Variants in EPHB2 observed in about 807,000 individuals in gnomAD.
The protein encoded by EPHB2 is ephrin type-B receptor 2.
EPHB2 carries 18 observed loss-of-function variants against 96.4 expected under a neutral mutation model. The observed-to-expected ratio is 0.19, with a 90% CI of 0.13 to 0.28. The LOEUF (loss-of-function observed/expected upper bound fraction) is 0.28. Among genes scored for constraint, EPHB2 ranks in the 10% least tolerant of loss-of-function variants. The pLI, the probability that EPHB2 is intolerant of heterozygous loss-of-function variation, is 1.00. For missense variants in EPHB2, 989 were observed against 1,355.4 expected (o/e 0.73, Z 4.25); for synonymous variants, 506 against 534.1 (o/e 0.95, Z 0.72).
chr1:22,718,372 G>A (rs2148334313), intron 1 of EPHB2, among the ~76,000 whole-genome samples: 1 of 141,902 alleles, frequency 7.0e-6, no homozygotes, highest in Middle Eastern at 3.7e-3. Context: ...GGGAATGGCT[G>A]TCAATTCTTT....
In EPHB2 at chr1:22,876,244, C is replaced by G. The variant is rs74932028; in HGVS notation, c.1304-6115C>G. Reference sequence around the variant, plus strand: ...GGGATCTTCGGACCAGTGAAAGGGTCGTAGCTCCGGGTTGTGAGGGGAAGC... The same window carrying G: ...GGGATCTTCGGACCAGTGAAAGGGTGGTAGCTCCGGGTTGTGAGGGGAAGC... On this transcript the variant is annotated intron_variant, in intron 5 of 15. Coordinates refer to ENST00000374630, the MANE Select transcript of EPHB2 (RefSeq NM_017449.5). Among the ~76,000 whole-genome samples, 266 of 152,228 alleles carry G rather than the reference C, an allele frequency of 1.7e-3. 1 individual carries two copies. Among genetic ancestry groups the G allele is most frequent in the Non-Finnish European group, 3.3e-3 (221 of 67,990 alleles).
At chr1:22,764,512 G>A (rs751378846) in intron 1 of EPHB2, among the ~76,000 whole-genome samples, 5 of 152,078 alleles carry the variant, frequency 3.3e-5, no homozygotes, top group Non-Finnish European at 7.4e-5. Context: ...TTGGGAGGCC[G>A]AGCCAGGCGG....
chr1:22,799,841 A>G (rs11581431), intron 3 of EPHB2, among the ~76,000 whole-genome samples: 23 of 152,206 alleles, frequency 1.5e-4, no homozygotes, highest in South Asian at 8.3e-4. Context: ...GAGAGAAAAG[A>G]TTCCGCCCTG....
At chr1:22,861,576 T>A (rs1276220520) in intron 3 of EPHB2, among the ~76,000 whole-genome samples, 1 of 152,106 alleles carries the variant, frequency 6.6e-6, no homozygotes, top group East Asian at 1.9e-4. Context: ...CAGCTGTGAG[T>A]CAGACATGGC....
intron 1 of EPHB2, among the ~76,000 whole-genome samples, chr1:22,763,308 T>C (rs1425911286): frequency 2.0e-5 from 3 of 152,030 alleles, no homozygotes; most frequent in Admixed American, 6.6e-5. Flanking sequence ...CTGGGCAGGG[T>C]TTGGTAGGTG....
rs1317314072 is a variant in EPHB2 at position 22,784,520 on chromosome 1, C to T, written c.255C>T (p.Arg85=). ...TTATCCGGCGCCGTGGCGCCCACCG[C>T]ATCCACGTGGAGATGAAGTTTTCGG... is the stretch of plus-strand genomic sequence containing the variant. ...TKFIRRRGAH[R]IHVEMKFSVR... is the part of the protein sequence containing the mutation. The change falls in exon 3 of 16, where the codon CGC becomes CGT. Residue 85 remains arginine, a synonymous_variant. Transcript: ENST00000374630. This position sits in a 1 kb window ranked among gnomAD's most constrained non-coding sequence, Gnocchi z 5.1. 1 of 1,613,820 alleles carries T rather than the reference C, an allele frequency of 6.2e-7. No homozygotes were observed. Among genetic ancestry groups the T allele is most frequent in the Admixed American group, 1.7e-5 (1 of 60,024 alleles).
intron 1 of EPHB2, among the ~76,000 whole-genome samples, chr1:22,768,793 TCTC>T (rs111724629): frequency 0.85 from 128,134 of 151,496 alleles, 54,246 homozygotes; most frequent in East Asian, 0.96. Context: ...CTGATCATTC[TCTC>T]CTCCCGGCCT....
rs545300657 is a variant in EPHB2 at position 22,876,253 on chromosome 1, G to A, written c.1304-6106G>A. On this transcript the variant is annotated intron_variant, in intron 5 of 15. Transcript: ENST00000374630. Reference sequence around the variant, plus strand: ...GGACCAGTGAAAGGGTCGTAGCTCCGGGTTGTGAGGGGAAGCTGAGCCAAT... The same window carrying A: ...GGACCAGTGAAAGGGTCGTAGCTCCAGGTTGTGAGGGGAAGCTGAGCCAAT... 4.6e-5 allele frequency among the ~76,000 whole-genome samples: 7 copies of A among 152,166 alleles called. No individual in the cohort carries two copies. In the East Asian group the frequency reaches 7.7e-4, roughly 17 times the overall value.
intron 3 of EPHB2, among the ~76,000 whole-genome samples, chr1:22,795,631 A>G (rs1167549084): frequency 2.0e-5 from 3 of 152,226 alleles, no homozygotes; most frequent in African/African-American, 4.8e-5. Context: ...GATTCACTCC[A>G]TGAGATATTT....
intron 1 of EPHB2, among the ~76,000 whole-genome samples, chr1:22,739,011 T>C (rs917096342): frequency 2.6e-5 from 4 of 152,176 alleles, no homozygotes; most frequent in Non-Finnish European, 4.4e-5. Flanking sequence ...TTTGTAAATC[T>C]AATATTTTAT....
At chr1:22,783,053 ACTTGCC>A (rs1644557585) in intron 2 of EPHB2, among the ~76,000 whole-genome samples, 1 of 152,106 alleles carries the variant, frequency 6.6e-6, no homozygotes, top group Non-Finnish European at 1.5e-5. Context: ...GGGAGAAATG[ACTTGCC>A]CAAGGCCACT....
intron 3 of EPHB2, among the ~76,000 whole-genome samples, chr1:22,849,968 A>G (rs1645601399): frequency 6.6e-6 from 1 of 152,188 alleles, no homozygotes; most frequent in Non-Finnish European, 1.5e-5. Context: ...TTGTTGCCTT[A>G]ACCGAGCTCA....
In EPHB2 at chr1:22,767,935, A is replaced by G. The variant is rs55885923; in HGVS notation, c.62-13486A>G. Among the ~76,000 whole-genome samples, 623 of 152,332 alleles carry G rather than the reference A, an allele frequency of 4.1e-3. 3 individuals are homozygous for G. Among genetic ancestry groups the G allele is most frequent in the Non-Finnish European group, 7.1e-3 (486 of 68,026 alleles). ...AGCAGCTCTCCTGAGAAACATCGACATGCGAGAAAATGTCCCAGCAGAGCC... is the reference window on the plus strand; with the variant it reads ...AGCAGCTCTCCTGAGAAACATCGACGTGCGAGAAAATGTCCCAGCAGAGCC... On this transcript the variant is annotated intron_variant, in intron 1 of 15. Coordinates refer to ENST00000374630, the MANE Select transcript of EPHB2 (RefSeq NM_017449.5).
intron 11 of EPHB2, among the ~76,000 whole-genome samples, chr1:22,907,642 G>T (rs1487965830): frequency 6.6e-6 from 1 of 152,190 alleles, no homozygotes; most frequent in Non-Finnish European, 1.5e-5. Flanking sequence ...TGTGATTTAG[G>T]CCCATTTAAC....
chr1:22,832,141 C>A (rs1363576530), intron 3 of EPHB2, among the ~76,000 whole-genome samples: 2 of 152,122 alleles, frequency 1.3e-5, no homozygotes, highest in Admixed American at 6.5e-5. Flanking sequence ...AGACTCCAGG[C>A]TGGGGTGCAA....
At chr1:22,808,944 C>T (rs1336775117) in intron 3 of EPHB2, among the ~76,000 whole-genome samples, 4 of 152,216 alleles carry the variant, frequency 2.6e-5, no homozygotes, top group East Asian at 1.9e-4. Context: ...GGCCACCCTG[C>T]GGGCTGCTGG....
intron 1 of EPHB2, among the ~76,000 whole-genome samples, chr1:22,739,832 A>G (rs1187731453): frequency 1.3e-5 from 2 of 152,122 alleles, no homozygotes; most frequent in Non-Finnish European, 2.9e-5. Context: ...CTGGCCTGGA[A>G]TCGTTCTCGG....
chr1:22,745,049 G>T (rs933382860), intron 1 of EPHB2, among the ~76,000 whole-genome samples: 5 of 152,140 alleles, frequency 3.3e-5, no homozygotes, highest in African/African-American at 1.2e-4. Flanking sequence ...GACCTGCTCT[G>T]TTCAAACTGG....
intron 1 of EPHB2, among the ~76,000 whole-genome samples, chr1:22,749,311 C>T (rs1400821414): frequency 6.6e-6 from 1 of 152,168 alleles, no homozygotes; most frequent in African/African-American, 2.4e-5. Flanking sequence ...TGAGCCACCA[C>T]ACCCAGCCTC....
Sources: gnomAD v4.1 joint callset for allele counts (sites outside exome capture counted in the v4.1 genomes callset) on GRCh38, gnomAD v4.1.1 for gene constraint, Gnocchi (gnomAD v3.1) non-coding constraint, MANE v1.5 for transcripts, NCBI Gene and HGNC (gene_info 2026-07-23, HGNC 2026-07-21) for gene names.